CPLANE1: variants seen among roughly 807,000 people sequenced by gnomAD.
The protein encoded by CPLANE1 is ciliogenesis and planar polarity effector 1.
A neutral mutation model predicts 362.5 loss-of-function variants in CPLANE1; 263 were observed. The observed-to-expected ratio is 0.73, with a 90% CI of 0.66 to 0.80. The LOEUF (loss-of-function observed/expected upper bound fraction) is 0.80, where lower values mean the gene tolerates loss of function less well. Ranked by LOEUF, CPLANE1 falls within the 30% of genes least tolerant of loss-of-function variation. The pLI, the probability that CPLANE1 is intolerant of heterozygous loss-of-function variation, is 0.00. For missense variants in CPLANE1, 3,461 were observed against 3,793.4 expected (o/e 0.91, Z 2.30); for synonymous variants, 1,212 against 1,302.6 (o/e 0.93, Z 1.50).
intron 28 of CPLANE1, among the ~76,000 whole-genome samples, chr5:37,179,801 C>T (rs1383053857): frequency 6.6e-6 from 1 of 152,086 alleles, no homozygotes. Flanking sequence ...AGAGCACCAA[C>T]ATAAAAATAC....
At chr5:37,080,148 C>T in the CPLANE1 span, among the ~76,000 whole-genome samples, 3 of 152,248 alleles carry the variant, frequency 2.0e-5, no homozygotes, top group Admixed American at 6.5e-5. Flanking sequence ...CTGCCTTAAC[C>T]GTAAAATTGG....
intron 30 of CPLANE1, 110 bp from the exon 31 acceptor site, chr5:37,176,096 C>A: frequency 1.4e-6 from 1 of 705,196 alleles, no homozygotes; most frequent in East Asian, 2.6e-5. Context: ...CTCTAATCTT[C>A]TATAATGTTT....
intron 51 of CPLANE1, among the ~76,000 whole-genome samples, chr5:37,113,719 G>A (rs1385812955): frequency 6.6e-6 from 1 of 152,212 alleles, no homozygotes; most frequent in Non-Finnish European, 1.5e-5. Context: ...AAAGTAATGA[G>A]TTAGCAGTAG....
rs770891798 is a variant in CPLANE1, at chr5:37,138,180, T to C, written c.8792+540A>G. On this transcript the variant is annotated intron_variant, in intron 46 of 52. Transcript: ENST00000651892. ...TTACTACGTGGTTGCCTAAATAGTT[T>C]CATAGGTCTATAACTACTTATTTTA... is the stretch of plus-strand genomic sequence containing the variant. Among the ~76,000 whole-genome samples, 11 of 152,290 alleles carry C rather than the reference T, an allele frequency of 7.2e-5. No homozygotes were observed. The Middle Eastern group carries it at 0.014, about 188-fold the overall frequency.
Position 37,205,394 on chromosome 5 carries a change from T to C in CPLANE1, c.3210A>G (p.Glu1070=). 6.4e-7 allele frequency: 1 copy of C among 1,550,942 alleles called. No homozygotes were observed. Among genetic ancestry groups the C allele is most frequent in the Non-Finnish European group, 8.7e-7 (1 of 1,146,480 alleles). Residue 1070 remains glutamate, a synonymous_variant, in exon 18 of 53, where the codon GAA becomes GAG. Transcript: ENST00000651892. The stretch of plus-strand genomic sequence containing the variant: ...GTTGACCTAAAACACACTGCAGTTT[T>C]TCCTGAAAAATCTGTGCTGGAGTCA... ...LRMTPAQIFQ[E]KLQCVLGQPA...
At chr5:37,233,842 C>T (rs559500710) in intron 8 of CPLANE1, among the ~76,000 whole-genome samples, 98 of 152,278 alleles carry the variant, frequency 6.4e-4, no homozygotes, top group African/African-American at 2.3e-3. Context: ...CAGGCACACT[C>T]ACCCCACTGC....
downstream of CPLANE1, among the ~76,000 whole-genome samples, chr5:37,101,415 T>C (rs148589208): frequency 3.7e-4 from 56 of 152,370 alleles, no homozygotes; most frequent in East Asian, 0.01. Context: ...TTGATTTGCA[T>C]ATGTTGAATC....
At chr5:37,201,532 T>C in intron 19 of CPLANE1, 59 bp downstream of exon 19, 1 of 1,393,622 alleles carries the variant, frequency 7.2e-7, no homozygotes. Context: ...AGTTAATTAT[T>C]TTAAAAACTT....
In CPLANE1 at chr5:37,139,334, A is replaced by G. The variant is rs938657101; in HGVS notation, c.8663+6T>C. The G allele has an allele frequency of 1.5e-6, 2 of 1,317,432 alleles. No individual in the cohort carries two copies. Among genetic ancestry groups the G allele is most frequent in the African/African-American group, 3.1e-5 (2 of 65,198 alleles). The allele number at this position is 1,317,432 out of a possible 1,614,324, so 81.6% of individuals were successfully genotyped here. On this transcript the variant is annotated splice_donor_region_variant and intron_variant, in intron 45 of 52. Coordinates refer to ENST00000651892, the MANE Select transcript of CPLANE1 (RefSeq NM_001384732.1). ...AAAATTGTGAATTAACTCTTAAGAT[A>G]TTTACCTCTCACACAATTCATCACT...
chr5:37,122,280 T>G (rs942147266), intron 48 of CPLANE1, 150 bp downstream of exon 48: 13 of 668,064 alleles, frequency 1.9e-5, no homozygotes, highest in Admixed American at 3.2e-5. Context: ...CTAGTGAGTC[T>G]CATCATTTTC....
chr5:37,214,390 G>A (rs939292931), intron 15 of CPLANE1, among the ~76,000 whole-genome samples: 10 of 152,058 alleles, frequency 6.6e-5, no homozygotes, highest in African/African-American at 1.9e-4. Context: ...TAGGAGGATC[G>A]CTTGAGTCTA....
At chr5:37,087,957 G>A in the CPLANE1 span, among the ~76,000 whole-genome samples, 2 of 152,186 alleles carry the variant, frequency 1.3e-5, no homozygotes, top group Admixed American at 6.5e-5. Flanking sequence ...TGAGTTGTAC[G>A]AACAAGCCAA....
chr5:37,239,597 AAAAC>A, intron 7 of CPLANE1, 112 bp downstream of exon 7: 1 of 729,674 alleles, frequency 1.4e-6, no homozygotes, highest in Non-Finnish European at 2.0e-6. Flanking sequence ...AAAAAAAAAA[AAAAC>A]CAGAAAGAAA....
In CPLANE1 at chr5:37,211,966, G is replaced by C. The variant is rs974101403; in HGVS notation, c.2920+1593C>G. The C allele has an allele frequency of 1.5e-5, 13 of 888,658 alleles. No individual in the cohort carries two copies. The Admixed American group carries it at 1.9e-4, about 13-fold the overall frequency. 55.0% of individuals were successfully genotyped at this position (888,658 alleles called of 1,614,324 possible). On this transcript the variant is annotated intron_variant, in intron 16 of 52. Coordinates refer to ENST00000651892, the MANE Select transcript of CPLANE1 (RefSeq NM_001384732.1). ...GTGCCCCTCTCATATCAGCACCCAA[G>C]TGTAGATCAGAAACAAATTGAAGAA...
At chr5:37,247,845 T>C in intron 1 of CPLANE1, 100 bp from the exon 2 acceptor site, 1 of 826,028 alleles carries the variant, frequency 1.2e-6, no homozygotes, top group South Asian at 2.0e-5. Context: ...TTGCCCCAGC[T>C]GGAGTGCAGT....
chr5:37,158,113 C>T (rs1775701304), intron 39 of CPLANE1, 111 bp downstream of exon 39: 2 of 1,237,100 alleles, frequency 1.6e-6, no homozygotes, highest in Admixed American at 2.2e-5. Flanking sequence ...TACAAAGCTA[C>T]ATAGATGAGA....
At chr5:37,099,968 T>C in the CPLANE1 span, among the ~76,000 whole-genome samples, 1 of 152,240 alleles carries the variant, frequency 6.6e-6, no homozygotes, top group African/African-American at 2.4e-5. Flanking sequence ...GGGTTTTTTT[T>C]CTTGTAAATT....
chr5:37,198,970 GCCT>G, intron 19 of CPLANE1, 104 bp from the exon 20 acceptor site: 1 of 1,071,058 alleles, frequency 9.3e-7, no homozygotes, highest in Non-Finnish European at 1.3e-6. Context: ...AGTGGCTCAC[GCCT>G]GTAATCCCAG....
intron 34 of CPLANE1, among the ~76,000 whole-genome samples, chr5:37,167,697 G>T (rs1778658412): frequency 6.6e-6 from 1 of 152,176 alleles, no homozygotes; most frequent in African/African-American, 2.4e-5. Context: ...AGAATCACTT[G>T]AATCTGGGAG....
Sources: allele counts gnomAD v4.1 joint callset (sites outside exome capture counted in the v4.1 genomes callset), GRCh38; gene constraint gnomAD v4.1.1; transcripts MANE v1.5; gene names NCBI Gene and HGNC (gene_info 2026-07-23, HGNC 2026-07-21).